Variants in KIAA1671 observed in about 807,000 individuals in gnomAD.
The protein encoded by KIAA1671 is uncharacterized protein KIAA1671.
KIAA1671 carries 52 observed loss-of-function variants against 131.2 expected under a neutral mutation model. The observed-to-expected ratio is 0.40, with a 90% CI of 0.32 to 0.50. KIAA1671 has a LOEUF of 0.50. Ranked by LOEUF, KIAA1671 falls within the 20% of genes least tolerant of loss-of-function variation. The pLI is 0.73. For synonymous variants in KIAA1671, 1,003 were observed against 961.6 expected (o/e 1.04, Z -0.80); for missense variants, 2,360 against 2,364.2 (o/e 1.00, Z 0.04).
rs370476572 is a variant in KIAA1671 at position 25,038,426 on chromosome 22, A to G, written c.1630-334A>G. Among the ~76,000 whole-genome samples, 425 of 152,356 alleles carry G rather than the reference A, an allele frequency of 2.8e-3. 4 individuals carry two copies. The highest frequency in any genetic ancestry group is 8.9e-3 in the African/African-American group (372 of 41,588). ...GTTTCTGTGTTCTTTTGCTTGCACC[A>G]ACGGTGCTGTCTCAACTTTCTTGTT... On this transcript the variant is annotated intron_variant, in intron 4 of 12. Coordinates refer to ENST00000358431, the MANE Select transcript of KIAA1671 (RefSeq NM_001145206.2).
intron 6 of KIAA1671, among the ~76,000 whole-genome samples, chr22:25,095,272 C>T (rs764068876): frequency 1.3e-5 from 2 of 152,126 alleles, no homozygotes; most frequent in African/African-American, 2.4e-5. Context: ...GGCAGGGTGC[C>T]GTGCGGTCCA....
In KIAA1671 at chr22:25,018,044, C is replaced by T. The variant is rs73157977; in HGVS notation, c.-207-7589C>T. Among the ~76,000 whole-genome samples the T allele has an allele frequency of 4.5e-3, 689 of 152,042 alleles. 4 individuals are homozygous for T. Among genetic ancestry groups the T allele is most frequent in the Non-Finnish European group, 6.8e-3 (461 of 68,000 alleles). On this transcript the variant is annotated intron_variant, in intron 1 of 12. Transcript: ENST00000358431. ...ACCTCCTCCTCCTCCTCCTCCTCCT[C>T]TGCTTGGCTGGCTTCTCTCAGTCTC... is the stretch of plus-strand genomic sequence containing the variant.
Position 24,952,820 on chromosome 22 carries a change from C to T in KIAA1671, c.-208+48C>T, listed in dbSNP as rs957894513. On this transcript the variant is annotated intron_variant, in intron 1 of 12. Transcript: ENST00000358431. This position sits in a 1 kb window ranked among gnomAD's most constrained non-coding sequence, Gnocchi z 4.5. ...GCAGTGGGGGCCGGCTGGCCGCCTC[C>T]TGTCCCCGGCCGACGAGGTAGCTGG... The T allele has an allele frequency of 5.3e-5, 8 of 152,282 alleles. No individual in the cohort carries two copies. The highest frequency in any genetic ancestry group is 1.9e-4 in the African/African-American group (8 of 41,440). The allele number at this position is 152,282 out of a possible 1,614,324, so 9.4% of individuals were successfully genotyped here.
At chr22:25,180,856 T>C (rs4822562) in intron 9 of KIAA1671, among the ~76,000 whole-genome samples, 49,414 of 152,084 alleles carry the variant, frequency 0.32, 8,431 homozygotes, top group East Asian at 0.48. Context: ...CTGAGCCAAG[T>C]TCTATTAAGC....
chr22:25,053,610 C>A (rs1389886404), intron 6 of KIAA1671: 1 of 152,092 alleles, frequency 6.6e-6, no homozygotes, highest in African/African-American at 2.4e-5. Flanking sequence ...TGCGCCAGGC[C>A]CTGCATGATG....
chr22:25,116,391 GTA>G (rs1931662663), intron 6 of KIAA1671, among the ~76,000 whole-genome samples: 1 of 111,604 alleles, frequency 9.0e-6, no homozygotes, highest in Non-Finnish European at 2.0e-5. Flanking sequence ...CAGTATGTAT[GTA>G]TGTATGTATG....
chr22:25,019,595 A>G (rs1328893920), intron 1 of KIAA1671, among the ~76,000 whole-genome samples: 21 of 151,750 alleles, frequency 1.4e-4, no homozygotes, highest in African/African-American at 4.8e-4. Flanking sequence ...CAGGTCTCCA[A>G]CATGTTTTTT....
At chr22:25,070,063 G>A (rs1379848243) in intron 6 of KIAA1671, 4 of 312,408 alleles carry the variant, frequency 1.3e-5, no homozygotes, top group Non-Finnish European at 2.3e-5. Context: ...TACGGCTCCC[G>A]GGAGGGTGAG....
At chr22:25,044,679 T>TG (rs1338487701) in intron 5 of KIAA1671, among the ~76,000 whole-genome samples, 1 of 152,100 alleles carries the variant, frequency 6.6e-6, no homozygotes, top group Non-Finnish European at 1.5e-5. Flanking sequence ...GAAAAAATGT[T>TG]GGTTGTTAAA....
At chr22:25,042,765 G>A (rs1056892037) in intron 5 of KIAA1671, among the ~76,000 whole-genome samples, 9 of 151,920 alleles carry the variant, frequency 5.9e-5, no homozygotes, top group Non-Finnish European at 1.0e-4. Flanking sequence ...GAGCCACTGC[G>A]CCCGGCCTGT....
intron 9 of KIAA1671, chr22:25,179,687 G>C: frequency 1.6e-6 from 1 of 608,804 alleles, no homozygotes; most frequent in Non-Finnish European, 2.9e-6. Context: ...TTGAAGGTTA[G>C]TATATTAATT....
At chr22:25,016,354 A>G (rs1386659967) in intron 1 of KIAA1671, among the ~76,000 whole-genome samples, 2 of 152,198 alleles carry the variant, frequency 1.3e-5, no homozygotes, top group Non-Finnish European at 2.9e-5. Context: ...GAGACTAAGA[A>G]CACACATCTC....
At chr22:24,968,068 G>A (rs1277102452) in intron 1 of KIAA1671, among the ~76,000 whole-genome samples, 3 of 152,180 alleles carry the variant, frequency 2.0e-5, no homozygotes, top group African/African-American at 7.2e-5. Flanking sequence ...TTGGAGAGGC[G>A]AGGTGCCTGG....
At chr22:25,080,209 C>T (rs981142172) in intron 6 of KIAA1671, among the ~76,000 whole-genome samples, 1 of 152,152 alleles carries the variant, frequency 6.6e-6, no homozygotes, top group Non-Finnish European at 1.5e-5. Context: ...CCGGTGTCAG[C>T]ATACGTTCTC....
At chr22:25,110,343 G>A (rs931172626) in intron 6 of KIAA1671, among the ~76,000 whole-genome samples, 20 of 152,154 alleles carry the variant, frequency 1.3e-4, no homozygotes, top group African/African-American at 4.6e-4. Flanking sequence ...CATTCTGAGC[G>A]ACCTGGGTTT....
At chr22:25,035,377 A>G (rs2145798146) in intron 4 of KIAA1671, among the ~76,000 whole-genome samples, 1 of 152,170 alleles carries the variant, frequency 6.6e-6, no homozygotes, top group South Asian at 2.1e-4. Context: ...TCTTGGGTAA[A>G]CATCTAGGAG....
At chr22:25,181,609 G>T in intron 9 of KIAA1671, 90 bp from the exon 10 acceptor site, 1 of 1,478,900 alleles carries the variant, frequency 6.8e-7, no homozygotes, top group Non-Finnish European at 9.2e-7. Context: ...TGTGAGCATT[G>T]CATGAGATAC....
chr22:24,956,517 T>C (rs1036304999), intron 1 of KIAA1671, among the ~76,000 whole-genome samples: 5 of 152,014 alleles, frequency 3.3e-5, no homozygotes, highest in Non-Finnish European at 5.9e-5. Context: ...TGGGTTTCAG[T>C]TGGGTGTGGA....
chr22:25,095,654 AAAAAC>A (rs1269137546), intron 6 of KIAA1671, among the ~76,000 whole-genome samples: 1 of 152,198 alleles, frequency 6.6e-6, no homozygotes, highest in African/African-American at 2.4e-5. Context: ...ACATCTCAAA[AAAAAC>A]AAAAACAAAA....
Sources: gnomAD v4.1 joint callset for allele counts (sites outside exome capture counted in the v4.1 genomes callset) on GRCh38, gnomAD v4.1.1 for gene constraint, Gnocchi (gnomAD v3.1) non-coding constraint, MANE v1.5 for transcripts, NCBI Gene and HGNC (gene_info 2026-07-23, HGNC 2026-07-21) for gene names.